The following HPSE2 variants were observed in gnomAD, a reference collection of about 807,000 sequenced individuals.
The protein encoded by HPSE2 is heparanase 2 (inactive).
Under a neutral mutation model 60.5 loss-of-function variants are expected in HPSE2, and 38 were observed. That is an observed-to-expected ratio of 0.63 (90% confidence interval 0.48 to 0.82). HPSE2 has a LOEUF of 0.82. Among genes scored for constraint, HPSE2 ranks in the 40% least tolerant of loss-of-function variants. The probability of loss-of-function intolerance (pLI) is 0.00; values close to 1 mark genes in which losing one functional copy is unlikely to be tolerated. For missense variants in HPSE2, 713 were observed against 740.4 expected, an observed-to-expected ratio of 0.96 and a Z score of 0.43; for synonymous variants, 295 against 293.2, an observed-to-expected ratio of 1.01 and a Z score of -0.06.
chr10:99,033,786 A>C (rs1957550672), intron 3 of HPSE2, among the ~76,000 whole-genome samples: 1 of 152,104 alleles, frequency 6.6e-6, no homozygotes, highest in South Asian at 2.1e-4. Flanking sequence ...CCGTCTCAAA[A>C]AAAAAAAAAC....
At chr10:98,675,933 CT>C (rs2134123644) in intron 6 of HPSE2, among the ~76,000 whole-genome samples, 1 of 151,580 alleles carries the variant, frequency 6.6e-6, no homozygotes, top group Non-Finnish European at 1.5e-5. Flanking sequence ...GTTCCAGCTA[CT>C]TTAGAGGCTG....
chr10:99,235,689 G>A lies in HPSE2; in HGVS notation c.114C>T (p.Ser38=), dbSNP rs967430577. 1.9e-6 allele frequency: 3 copies of A among 1,613,942 alleles called. No individual in the cohort carries two copies. Among genetic ancestry groups the A allele is most frequent in the Non-Finnish European group, 1.7e-6 (2 of 1,180,028 alleles). ...YLALLLHLSL[S]SQAGDRRPLP... is the part of the protein sequence containing the mutation. ...AGGGTCTCCTGTCTCCAGCCTGGGA[G>A]GAAAGGGAGAGATGGAGCAACAGAG... Residue 38 remains serine, a synonymous_variant, in exon 1 of 12, where the codon TCC becomes TCT. Transcript: ENST00000370552.
chr10:98,865,593 G>T (rs540179654), intron 3 of HPSE2, among the ~76,000 whole-genome samples: 21 of 152,180 alleles, frequency 1.4e-4, no homozygotes, highest in African/African-American at 4.8e-4. Context: ...CAGACTAACA[G>T]CAAATAAAGG....
intron 2 of HPSE2, among the ~76,000 whole-genome samples, chr10:99,217,557 T>C (rs766789432): frequency 2.7e-5 from 4 of 148,972 alleles, no homozygotes; most frequent in Non-Finnish European, 4.5e-5. Context: ...AGAGATTGAA[T>C]TGGCCTAGGA....
intron 9 of HPSE2, among the ~76,000 whole-genome samples, chr10:98,563,714 T>C (rs1944257747): frequency 6.6e-6 from 1 of 152,050 alleles, no homozygotes. Flanking sequence ...ACTTTCTTCT[T>C]ATTTTTTTTT....
At chr10:99,095,222 A>T (rs1049758480) in intron 3 of HPSE2, among the ~76,000 whole-genome samples, 1 of 152,076 alleles carries the variant, frequency 6.6e-6, no homozygotes, top group African/African-American at 2.4e-5. Context: ...AGAATATGAG[A>T]AAAGTTGTTT....
chr10:99,157,545 C>T (rs1456040117), intron 2 of HPSE2, among the ~76,000 whole-genome samples: 2 of 127,676 alleles, frequency 1.6e-5, no homozygotes, highest in Admixed American at 1.8e-4. Flanking sequence ...AACTGGCTAG[C>T]CATATGTAGA....
intron 9 of HPSE2, among the ~76,000 whole-genome samples, chr10:98,548,536 G>C (rs1943763147): frequency 6.6e-6 from 1 of 151,886 alleles, no homozygotes; most frequent in African/African-American, 2.4e-5. Context: ...AGAATCACTT[G>C]AACCTGGGAG....
At chr10:99,101,304 C>T (rs1843973045) in intron 3 of HPSE2, among the ~76,000 whole-genome samples, 1 of 152,034 alleles carries the variant, frequency 6.6e-6, no homozygotes, top group African/African-American at 2.4e-5. Context: ...ATCTACCAAG[C>T]AAATGGAAAA....
intron 4 of HPSE2, among the ~76,000 whole-genome samples, chr10:98,725,583 G>C (rs1439000300): frequency 2.6e-5 from 4 of 152,080 alleles, no homozygotes; most frequent in Non-Finnish European, 4.4e-5. Flanking sequence ...GCATGGTCAA[G>C]GACTTCATGT....
intron 9 of HPSE2, among the ~76,000 whole-genome samples, chr10:98,608,620 G>A (rs1206706706): frequency 1.3e-5 from 2 of 152,186 alleles, no homozygotes; most frequent in African/African-American, 2.4e-5. Flanking sequence ...GGCCACTGAC[G>A]TGGAGCCAGC....
At chr10:99,211,587 A>G (rs1006816675) in intron 2 of HPSE2, among the ~76,000 whole-genome samples, 2 of 152,186 alleles carry the variant, frequency 1.3e-5, no homozygotes, top group African/African-American at 4.8e-5. Context: ...TTTTGACAAA[A>G]TTGCCAAGAA....
chr10:99,288,793 G>T, the HPSE2 span, among the ~76,000 whole-genome samples: 7 of 145,332 alleles, frequency 4.8e-5, no homozygotes, highest in South Asian at 1.1e-3. Flanking sequence ...TAGATTATAT[G>T]TTTGAGTGAA....
intron 9 of HPSE2, among the ~76,000 whole-genome samples, chr10:98,491,764 C>A (rs1185439636): frequency 1.3e-5 from 2 of 152,126 alleles, no homozygotes; most frequent in Non-Finnish European, 2.9e-5. Context: ...AAATAGGGAT[C>A]CATTTGCCTC....
chr10:98,591,677 A>AAAAT (rs1429218118), intron 9 of HPSE2, among the ~76,000 whole-genome samples: 3 of 150,644 alleles, frequency 2.0e-5, no homozygotes, highest in Admixed American at 6.6e-5. Flanking sequence ...AAAATAAAAT[A>AAAAT]AAATAAATAA....
intron 3 of HPSE2, among the ~76,000 whole-genome samples, chr10:98,921,003 G>C (rs1281155567): frequency 6.6e-6 from 1 of 152,154 alleles, no homozygotes; most frequent in Non-Finnish European, 1.5e-5. Context: ...GAGGCAGTCT[G>C]ACATCATAGT....
intron 6 of HPSE2, among the ~76,000 whole-genome samples, chr10:98,665,313 G>A (rs1046969364): frequency 6.6e-6 from 1 of 152,154 alleles, no homozygotes; most frequent in Non-Finnish European, 1.5e-5. Flanking sequence ...ATGACTCACT[G>A]ACATTCCAGA....
At position 98,590,243 on chromosome 10, in the gene HPSE2, C is replaced by A. The variant is rs192295347; in HGVS notation, c.1320+24661G>T. 4.3e-3 allele frequency among the ~76,000 whole-genome samples: 661 copies of A among 152,322 alleles called. 3 individuals carry two copies. The highest frequency in any genetic ancestry group is 0.015 in the African/African-American group (637 of 41,570). Reference sequence around the variant, plus strand: ...GGATCACGAGGTCAGGAGATTGAGACCATCCTGGCTAACATGGTGAAACCC... The same window carrying A: ...GGATCACGAGGTCAGGAGATTGAGAACATCCTGGCTAACATGGTGAAACCC... On this transcript the variant is annotated intron_variant, in intron 9 of 11. Coordinates refer to ENST00000370552, the MANE Select transcript of HPSE2 (RefSeq NM_021828.5).
chr10:99,203,316 C>A (rs1372604157), intron 2 of HPSE2, among the ~76,000 whole-genome samples: 1 of 152,100 alleles, frequency 6.6e-6, no homozygotes, highest in Non-Finnish European at 1.5e-5. Context: ...CACGAGCCAG[C>A]ACCCTCAAAC....
Sources: allele counts gnomAD v4.1 joint callset (sites outside exome capture counted in the v4.1 genomes callset), GRCh38; gene constraint gnomAD v4.1.1; transcripts MANE v1.5; gene names NCBI Gene and HGNC (gene_info 2026-07-23, HGNC 2026-07-21).